The following TENM4 variants were observed in gnomAD, a reference collection of about 807,000 sequenced individuals.
TENM4 encodes teneurin-4.
TENM4 carries 82 observed loss-of-function variants against 243.3 expected under a neutral mutation model. The observed-to-expected ratio is 0.34, with a 90% CI of 0.28 to 0.40. The LOEUF (loss-of-function observed/expected upper bound fraction) is 0.40, where lower values mean the gene tolerates loss of function less well. Among genes scored for constraint, TENM4 ranks in the 10% least tolerant of loss-of-function variants. The pLI, the probability that TENM4 is intolerant of heterozygous loss-of-function variation, is 1.00. For missense variants in TENM4, 3,138 were observed against 3,673.3 expected, an observed-to-expected ratio of 0.85 and a Z score of 3.77; for synonymous variants, 1,412 against 1,456.3, an observed-to-expected ratio of 0.97 and a Z score of 0.69.
chr11:79,237,795 C>T (rs1242545604), intron 2 of TENM4, among the ~76,000 whole-genome samples: 1 of 152,194 alleles, frequency 6.6e-6, no homozygotes, highest in East Asian at 1.9e-4. Flanking sequence ...TGTGTTTTGT[C>T]GGCTCAGAGG....
intron 7 of TENM4, among the ~76,000 whole-genome samples, chr11:78,898,986 T>G (rs996469071): frequency 1.3e-5 from 2 of 152,232 alleles, no homozygotes; most frequent in Non-Finnish European, 2.9e-5. Context: ...AACAGCCTTA[T>G]GAGGTGGTGT....
intron 9 of TENM4, among the ~76,000 whole-genome samples, chr11:78,876,106 C>T (rs1859264196): frequency 6.6e-6 from 1 of 152,180 alleles, no homozygotes; most frequent in Non-Finnish European, 1.5e-5. Context: ...TCCAGCCGAA[C>T]AAGTTATTTG....
chr11:79,153,811 C>T (rs1009894985), intron 3 of TENM4, among the ~76,000 whole-genome samples: 3 of 152,080 alleles, frequency 2.0e-5, no homozygotes, highest in Admixed American at 6.6e-5. Context: ...CCTTTCTTCT[C>T]TCTGATTCTT....
chr11:79,409,901 T>C (rs1329097262), intron 1 of TENM4, among the ~76,000 whole-genome samples: 1 of 152,166 alleles, frequency 6.6e-6, no homozygotes, highest in East Asian at 1.9e-4. Context: ...GAATGAGCTC[T>C]AGTTGCCCAC....
intron 2 of TENM4, among the ~76,000 whole-genome samples, chr11:79,258,452 C>A (rs370990920): frequency 2.1e-4 from 32 of 152,316 alleles, no homozygotes; most frequent in South Asian, 1.7e-3. Flanking sequence ...TGGCCCCCTT[C>A]AATAACTCTA....
intron 4 of TENM4, among the ~76,000 whole-genome samples, chr11:79,106,737 G>C (rs1042261931): frequency 3.3e-5 from 5 of 152,182 alleles, no homozygotes; most frequent in African/African-American, 1.2e-4. Context: ...CACAGTGCAG[G>C]GCAATGGCAG....
intron 4 of TENM4, among the ~76,000 whole-genome samples, chr11:79,085,304 G>A (rs1860781960): frequency 6.6e-6 from 1 of 151,450 alleles, no homozygotes; most frequent in Non-Finnish European, 1.5e-5. Context: ...GTGAACCCGG[G>A]AGGCGGAGCT....
At chr11:79,302,987 G>A (rs1856573673) in intron 1 of TENM4, among the ~76,000 whole-genome samples, 1 of 152,164 alleles carries the variant, frequency 6.6e-6, no homozygotes, top group Non-Finnish European at 1.5e-5. Flanking sequence ...GCCTATTATG[G>A]AGGGCTTAGG....
At chr11:79,229,080 C>T (rs1341673879) in intron 2 of TENM4, among the ~76,000 whole-genome samples, 1 of 152,050 alleles carries the variant, frequency 6.6e-6, no homozygotes, top group East Asian at 1.9e-4. Context: ...TGTAGGATGC[C>T]CCACTATTGG....
At chr11:78,961,962 G>C (rs1857335392) in intron 6 of TENM4, among the ~76,000 whole-genome samples, 1 of 152,128 alleles carries the variant, frequency 6.6e-6, no homozygotes, top group Non-Finnish European at 1.5e-5. Flanking sequence ...GCACACTCCA[G>C]CGGCGCCGCG....
At position 78,661,592 on chromosome 11, in the gene TENM4, C is replaced by T; in HGVS notation, c.7409-1G>A. On this transcript the variant is annotated splice_acceptor_variant, in intron 32 of 33. Coordinates refer to ENST00000278550, the MANE Select transcript of TENM4 (RefSeq NM_001098816.3). LOFTEE classifies it high-confidence loss of function. ...AAGGTGAGCAGCCAGCTGTTAACATCTGGATGGGAGGGAAGCAGAAACATC... is the reference window on the plus strand; with the variant it reads ...AAGGTGAGCAGCCAGCTGTTAACATTTGGATGGGAGGGAAGCAGAAACATC... The T allele has an allele frequency of 6.2e-7, 1 of 1,612,876 alleles. No individual in the cohort carries two copies. Among genetic ancestry groups the T allele is most frequent in the Non-Finnish European group, 8.5e-7 (1 of 1,179,538 alleles).
chr11:78,915,877 C>T lies in TENM4; in HGVS notation c.494-12354G>A, dbSNP rs189084518. ...GTAGCCATCAGTAATTTTGAAGAAA[C>T]GACTTTCTCTTGGAAAAGACACTGA... On this transcript the variant is annotated intron_variant, in intron 6 of 33. Transcript: ENST00000278550. Among the ~76,000 whole-genome samples the T allele has an allele frequency of 1.1e-4, 16 of 152,264 alleles. No individual in the cohort carries two copies. In the East Asian group the frequency reaches 1.2e-3, roughly 11 times the overall value.
intron 4 of TENM4, among the ~76,000 whole-genome samples, chr11:79,085,716 C>A (rs1860795753): frequency 6.7e-6 from 1 of 149,150 alleles, no homozygotes; most frequent in African/African-American, 2.5e-5. Flanking sequence ...CCTGGCCATT[C>A]TTCTCTGAAA....
In TENM4 at chr11:79,430,188, G is replaced by GA. The variant is rs796697145; in HGVS notation, c.-321+10320dup. Among the ~76,000 whole-genome samples, 162 of 86,284 alleles carry GA rather than the reference G, an allele frequency of 1.9e-3. 1 individual carries two copies. Among genetic ancestry groups the GA allele is most frequent in the East Asian group, 3.5e-3 (11 of 3,148 alleles). 56.6% of individuals were successfully genotyped at this position (86,284 alleles called of 152,430 possible). The stretch of plus-strand genomic sequence containing the variant: ...TGTTTGTTTCAATCATTCAACCTGC[G>GA]AAAAAAAAAAAAAGAAAAAAGAAAA... On this transcript the variant is annotated intron_variant, in intron 1 of 33. Transcript: ENST00000278550.
chr11:79,177,331 T>C (rs1194726095), intron 3 of TENM4, among the ~76,000 whole-genome samples: 1 of 152,044 alleles, frequency 6.6e-6, no homozygotes, highest in Non-Finnish European at 1.5e-5. Context: ...TTCTCTTTTC[T>C]TTCTCCTTTC....
rs190360957 is a variant in TENM4, at chr11:79,193,430, C to T, written c.-163+22378G>A. On this transcript the variant is annotated intron_variant, in intron 3 of 33. Transcript: ENST00000278550. ...TTTTTGACTTTAGTCTCTTGTATTC[C>T]GCTTTTCCCTAGGTCCTACGGCACT... Among the ~76,000 whole-genome samples, 19 of 152,256 alleles carry T rather than the reference C, an allele frequency of 1.2e-4. 1 individual carries two copies. In the East Asian group the frequency reaches 1.4e-3, roughly 11 times the overall value.
At chr11:79,161,597 G>A (rs933607271) in intron 3 of TENM4, among the ~76,000 whole-genome samples, 4 of 152,152 alleles carry the variant, frequency 2.6e-5, no homozygotes, top group Non-Finnish European at 4.4e-5. Flanking sequence ...GCTGACAGCC[G>A]CCATAGCTAG....
intron 1 of TENM4, among the ~76,000 whole-genome samples, chr11:79,301,023 C>T (rs144147298): frequency 6.6e-6 from 1 of 152,148 alleles, no homozygotes. Flanking sequence ...GCTCCTTTCC[C>T]TCCCTCTCCA....
At chr11:79,243,329 G>A (rs767662111) in intron 2 of TENM4, among the ~76,000 whole-genome samples, 3 of 152,058 alleles carry the variant, frequency 2.0e-5, no homozygotes, top group South Asian at 2.1e-4. Context: ...CGTTGTACTC[G>A]GACACATCTC....
Sources: allele counts gnomAD v4.1 joint callset (sites outside exome capture counted in the v4.1 genomes callset), GRCh38; gene constraint gnomAD v4.1.1; transcripts MANE v1.5; gene names NCBI Gene and HGNC (gene_info 2026-07-23, HGNC 2026-07-21).